Variants in BTBD9 observed in about 807,000 individuals in gnomAD.
The protein encoded by BTBD9 is BTB/POZ domain-containing protein 9.
Under a neutral mutation model 64.3 loss-of-function variants are expected in BTBD9, and 49 were observed. The observed-to-expected ratio is 0.76, with a 90% CI of 0.61 to 0.97. The LOEUF is 0.97. Ranked by LOEUF, BTBD9 falls within the 50% of genes least tolerant of loss-of-function variation. BTBD9 has a pLI of 0.00. For synonymous variants in BTBD9, 260 were observed against 274.7 expected (o/e 0.95, Z 0.53); for missense variants, 598 against 762.1 (o/e 0.78, Z 2.53).
intron 6 of BTBD9, among the ~76,000 whole-genome samples, chr6:38,543,754 G>A (rs1373856960): frequency 1.3e-5 from 2 of 152,132 alleles, no homozygotes; most frequent in Admixed American, 6.5e-5. Context: ...TCAGGAGATC[G>A]AGACCATCTT....
intron 9 of BTBD9, among the ~76,000 whole-genome samples, chr6:38,199,491 C>T (rs1327319133): frequency 6.6e-6 from 1 of 152,138 alleles, no homozygotes; most frequent in Non-Finnish European, 1.5e-5. Context: ...CAACAAAGTT[C>T]CTGCCCTCCA....
intron 7 of BTBD9, among the ~76,000 whole-genome samples, chr6:38,335,403 C>A (rs1272898551): frequency 6.6e-6 from 1 of 151,940 alleles, no homozygotes; most frequent in East Asian, 1.9e-4. Context: ...CAGGCGTGCA[C>A]CACCAAACCT....
intron 6 of BTBD9, among the ~76,000 whole-genome samples, chr6:38,478,592 T>G (rs886201855): frequency 5.3e-5 from 8 of 152,102 alleles, no homozygotes; most frequent in Non-Finnish European, 7.4e-5. Flanking sequence ...TAAGAGGAAA[T>G]GTGCATGGGC....
At chr6:38,468,673 G>A (rs1351267767) in intron 6 of BTBD9, among the ~76,000 whole-genome samples, 1 of 152,064 alleles carries the variant, frequency 6.6e-6, no homozygotes, top group African/African-American at 2.4e-5. Flanking sequence ...AGTTTCCCTA[G>A]GATAGTCCTT....
At chr6:38,261,836 G>T (rs1046315053) in intron 8 of BTBD9, among the ~76,000 whole-genome samples, 3 of 152,198 alleles carry the variant, frequency 2.0e-5, no homozygotes, top group Non-Finnish European at 4.4e-5. Flanking sequence ...GAGTGGAAAA[G>T]GGACACTGAC....
At chr6:38,593,883 T>C in intron 3 of BTBD9, 81 bp downstream of exon 3, 1 of 1,233,282 alleles carries the variant, frequency 8.1e-7, no homozygotes, top group Admixed American at 2.3e-5. Context: ...TTATTATTCT[T>C]AGTCCATTGC....
At chr6:38,500,268 TA>T (rs2127399716) in intron 6 of BTBD9, among the ~76,000 whole-genome samples, 1 of 142,274 alleles carries the variant, frequency 7.0e-6, no homozygotes, top group Admixed American at 7.2e-5. Context: ...GGGGTGGTAG[TA>T]GGGGGGACCT....
chr6:38,241,935 T>TA lies in BTBD9; in HGVS notation c.1562+14473dup, dbSNP rs1221587505. Among the ~76,000 whole-genome samples, 12 of 152,172 alleles carry TA rather than the reference T, an allele frequency of 7.9e-5. 1 individual carries two copies. On this transcript the variant is annotated intron_variant, in intron 9 of 10. Transcript: ENST00000481247. ...AGGCTAATATACTCTACAACCTGAA[T>TA]AATGAACCCCTAGATAATCTAGATT...
At chr6:38,406,347 T>A (rs1035846642) in intron 6 of BTBD9, among the ~76,000 whole-genome samples, 5 of 152,204 alleles carry the variant, frequency 3.3e-5, no homozygotes, top group African/African-American at 1.2e-4. Context: ...TGTGTGTGTG[T>A]TTTTTTAATC....
At chr6:38,497,010 A>G (rs1423569221) in intron 6 of BTBD9, among the ~76,000 whole-genome samples, 1 of 152,236 alleles carries the variant, frequency 6.6e-6, no homozygotes. Flanking sequence ...CAAAGGTACC[A>G]GCATGCCCCC....
At chr6:38,332,225 G>C (rs150505887) in intron 7 of BTBD9, among the ~76,000 whole-genome samples, 3 of 152,096 alleles carry the variant, frequency 2.0e-5, no homozygotes, top group Non-Finnish European at 4.4e-5. Flanking sequence ...CTTTTGTGCT[G>C]AGGAAGTTGT....
intron 7 of BTBD9, among the ~76,000 whole-genome samples, chr6:38,299,040 T>C (rs960820949): frequency 6.6e-6 from 1 of 152,136 alleles, no homozygotes; most frequent in African/African-American, 2.4e-5. Flanking sequence ...CAGTGTGTGA[T>C]GTTCCCCTTC....
At position 38,416,521 on chromosome 6, in the gene BTBD9, T is replaced by G. The variant is rs1038484359; in HGVS notation, c.1155-71428A>C. Reference sequence around the variant, plus strand: ...AGCTAATTTTTTTTTTTTTTTTTTTTTTTTAGTACAGACAGGGCTTCACTT... The same window carrying G: ...AGCTAATTTTTTTTTTTTTTTTTTTGTTTTAGTACAGACAGGGCTTCACTT... On this transcript the variant is annotated intron_variant, in intron 6 of 10. Transcript: ENST00000481247. Among the ~76,000 whole-genome samples, 3 of 149,044 alleles carry G rather than the reference T, an allele frequency of 2.0e-5. No individual in the cohort carries two copies. In the East Asian group the frequency reaches 5.9e-4, roughly 29 times the overall value.
chr6:38,401,771 G>A (rs1398897433), intron 6 of BTBD9, among the ~76,000 whole-genome samples: 3 of 152,300 alleles, frequency 2.0e-5, no homozygotes, highest in East Asian at 1.9e-4. Context: ...CTGATTTATC[G>A]TAGGACTATG....
chr6:38,187,606 C>G (rs1221275269), intron 10 of BTBD9, among the ~76,000 whole-genome samples: 1 of 152,040 alleles, frequency 6.6e-6, no homozygotes, highest in Non-Finnish European at 1.5e-5. Flanking sequence ...GAGCAGGGAG[C>G]AGAGGACGAC....
At chr6:38,335,082 C>G (rs1401134403) in intron 7 of BTBD9, among the ~76,000 whole-genome samples, 3 of 151,988 alleles carry the variant, frequency 2.0e-5, no homozygotes, top group Admixed American at 1.3e-4. Context: ...TGCTCTCTCC[C>G]TCTCTCTCCT....
intron 6 of BTBD9, among the ~76,000 whole-genome samples, chr6:38,490,505 G>A (rs1238933946): frequency 1.3e-5 from 2 of 151,998 alleles, no homozygotes; most frequent in Admixed American, 6.5e-5. Flanking sequence ...ATTTTTAGTA[G>A]AGACCAGGTT....
chr6:38,588,330 A>G lies in BTBD9; in HGVS notation c.814+4246T>C, dbSNP rs1291979016. 18 of 957,528 alleles carry G rather than the reference A, an allele frequency of 1.9e-5. No homozygotes were observed. In the East Asian group the frequency reaches 4.1e-4, roughly 22 times the overall value. The allele number at this position is 957,528 out of a possible 1,614,324, so 59.3% of individuals were successfully genotyped here. On this transcript the variant is annotated intron_variant, in intron 4 of 10. Transcript: ENST00000481247. ...ATCCTGCACAAATTTATACTACCCA[A>G]ACTTTTCAGCCTACTAATTATACTG... is the stretch of plus-strand genomic sequence containing the variant.
chr6:38,546,911 AC>A (rs936936322), intron 6 of BTBD9, among the ~76,000 whole-genome samples: 3 of 151,954 alleles, frequency 2.0e-5, no homozygotes, highest in African/African-American at 7.3e-5. Context: ...CAGGCGATCC[AC>A]CCACCTCAGC....
Sources: allele counts gnomAD v4.1 joint callset (sites outside exome capture counted in the v4.1 genomes callset), GRCh38; gene constraint gnomAD v4.1.1; transcripts MANE v1.5; gene names NCBI Gene and HGNC (gene_info 2026-07-23, HGNC 2026-07-21).